The following UGT3A2 variants were observed in gnomAD, a reference collection of about 807,000 sequenced individuals.
UGT3A2 encodes the protein UDP glycosyltransferase family 3 member A2.
Under a neutral mutation model 39.8 loss-of-function variants are expected in UGT3A2, and 32 were observed. The ratio of observed to expected loss-of-function variants is 0.80; its 90% CI spans 0.61 to 1.08. UGT3A2 has a LOEUF of 1.08. Ranked by LOEUF, UGT3A2 falls within the 50% of genes least tolerant of loss-of-function variation. The probability of loss-of-function intolerance (pLI) is 0.00; values close to 1 mark genes in which losing one functional copy is unlikely to be tolerated. For synonymous variants in UGT3A2, 241 were observed against 230.7 expected, an observed-to-expected ratio of 1.04 and a Z score of -0.40; for missense variants, 611 against 637.1, an observed-to-expected ratio of 0.96 and a Z score of 0.44.
intron 1 of UGT3A2, among the ~76,000 whole-genome samples, chr5:36,065,264 T>C (rs985673185): frequency 2.0e-5 from 3 of 152,080 alleles, no homozygotes; most frequent in South Asian, 2.1e-4. Context: ...AGAGAAGTAG[T>C]GTTCAGCTCT....
intron 2 of UGT3A2, among the ~76,000 whole-genome samples, chr5:36,053,370 T>G (rs1234018820): frequency 3.9e-5 from 6 of 152,174 alleles, no homozygotes; most frequent in African/African-American, 7.2e-5. Context: ...AAGCCCAACA[T>G]CTTTTAGGCC....
intron 3 of UGT3A2, 50 bp from the exon 4 acceptor site, chr5:36,049,470 A>G: frequency 1.5e-6 from 2 of 1,343,266 alleles, no homozygotes; most frequent in South Asian, 1.5e-5. Flanking sequence ...TTAAATTTAC[A>G]GTACATAAAA....
intron 4 of UGT3A2, among the ~76,000 whole-genome samples, chr5:36,040,424 C>A (rs2111698921): frequency 6.6e-6 from 1 of 152,250 alleles, no homozygotes; most frequent in South Asian, 2.1e-4. Context: ...ATGAGGTGAG[C>A]AATCACCATT....
chr5:36,063,264 A>C (rs1021251766), intron 2 of UGT3A2, among the ~76,000 whole-genome samples: 5 of 152,298 alleles, frequency 3.3e-5, no homozygotes, highest in African/African-American at 1.2e-4. Flanking sequence ...AATTTGGAGC[A>C]TAAAGTCCTA....
chr5:36,052,359 T>C (rs1742370808), intron 2 of UGT3A2, among the ~76,000 whole-genome samples: 1 of 152,180 alleles, frequency 6.6e-6, no homozygotes, highest in Non-Finnish European at 1.5e-5. Flanking sequence ...CAAATAATTT[T>C]TAAATTCAGT....
intron 2 of UGT3A2, among the ~76,000 whole-genome samples, chr5:36,055,754 T>C (rs1257526567): frequency 6.6e-6 from 1 of 152,226 alleles, no homozygotes; most frequent in African/African-American, 2.4e-5. Context: ...TAAGTAGCAA[T>C]AATATTTTAC....
intron 2 of UGT3A2, among the ~76,000 whole-genome samples, chr5:36,059,062 C>T (rs1561497022): frequency 6.6e-6 from 1 of 151,918 alleles, no homozygotes; most frequent in African/African-American, 2.4e-5. Context: ...CTAACAGGGA[C>T]CACAGGGACA....
At chr5:36,041,077 A>G (rs990254951) in intron 4 of UGT3A2, among the ~76,000 whole-genome samples, 2 of 152,172 alleles carry the variant, frequency 1.3e-5, no homozygotes, top group Non-Finnish European at 2.9e-5. Context: ...CTGAAGGGAG[A>G]GACCTAAGCC....
At chr5:36,056,383 G>A (rs373920093) in intron 2 of UGT3A2, among the ~76,000 whole-genome samples, 4 of 152,356 alleles carry the variant, frequency 2.6e-5, no homozygotes, top group African/African-American at 7.2e-5. Flanking sequence ...TGCAGGGCAA[G>A]TGGGGCATGT....
At chr5:36,057,943 T>G (rs1217674498) in intron 2 of UGT3A2, among the ~76,000 whole-genome samples, 1 of 152,222 alleles carries the variant, frequency 6.6e-6, no homozygotes, top group Non-Finnish European at 1.5e-5. Context: ...TAAGAAATAA[T>G]TGTCTTAAAA....
At chr5:36,038,118 G>A (rs2289877) in intron 5 of UGT3A2, 102 bp from the exon 6 acceptor site, 191,427 of 1,204,774 alleles carry the variant, frequency 0.16, 16,123 homozygotes, top group East Asian at 0.24. Flanking sequence ...ATCTAGTGGT[G>A]TGTTGGAGAC....
chr5:36,058,622 C>T (rs966445914), intron 2 of UGT3A2, among the ~76,000 whole-genome samples: 1 of 152,110 alleles, frequency 6.6e-6, no homozygotes, highest in African/African-American at 2.4e-5. Context: ...GCTGACCAAT[C>T]GTTACCTCCT....
chr5:36,051,146 A>T (rs1365990184), intron 3 of UGT3A2, among the ~76,000 whole-genome samples: 1 of 152,132 alleles, frequency 6.6e-6, no homozygotes, highest in Non-Finnish European at 1.5e-5. Context: ...TTTATGGAAA[A>T]AGTCAGATTT....
intron 2 of UGT3A2, among the ~76,000 whole-genome samples, chr5:36,054,187 G>T (rs1391297812): frequency 6.6e-6 from 1 of 152,154 alleles, no homozygotes; most frequent in East Asian, 1.9e-4. Context: ...ATTTAAACTG[G>T]ATTCACCTGG....
At chr5:36,059,999 A>G (rs1742637224) in intron 2 of UGT3A2, among the ~76,000 whole-genome samples, 1 of 152,194 alleles carries the variant, frequency 6.6e-6, no homozygotes, top group Admixed American at 6.5e-5. Flanking sequence ...GTTGAATCTG[A>G]ATGTGAAGAT....
At chr5:36,064,696 A>G (rs182391684) in intron 1 of UGT3A2, among the ~76,000 whole-genome samples, 13 of 152,346 alleles carry the variant, frequency 8.5e-5, no homozygotes, top group Admixed American at 7.2e-4. Context: ...ACAGAGTCCA[A>G]AAGAAATCAC....
intron 4 of UGT3A2, 87 bp downstream of exon 4, chr5:36,048,802 C>G (rs974154237): frequency 3.9e-6 from 6 of 1,537,790 alleles, no homozygotes; most frequent in Non-Finnish European, 5.3e-6. Flanking sequence ...ACTTTAGCCT[C>G]AGGATCCTAC....
Position 36,063,024 on chromosome 5 carries a change from G to A in UGT3A2, c.196+1225C>T, listed in dbSNP as rs1742758057. Among the ~76,000 whole-genome samples, 2 of 150,392 alleles carry A rather than the reference G, an allele frequency of 1.3e-5. 1 individual carries two copies. Among genetic ancestry groups the A allele is most frequent in the South Asian group, 4.2e-4 (2 of 4,808 alleles). On this transcript the variant is annotated intron_variant, in intron 2 of 6. Coordinates refer to ENST00000282507, the MANE Select transcript of UGT3A2 (RefSeq NM_174914.4). ...CCACTGTACTCCAGCCTGGCCAACA[G>A]AGCGAGACTCTGTCTCAAAAAAAAA...
intron 5 of UGT3A2, 79 bp downstream of exon 5, chr5:36,039,398 T>A (rs1741929906): frequency 7.2e-7 from 1 of 1,392,652 alleles, no homozygotes; most frequent in Non-Finnish European, 1.0e-6. Context: ...GGTACAAATG[T>A]CCAGCTAAAG....
Sources: gnomAD v4.1 joint callset for allele counts (sites outside exome capture counted in the v4.1 genomes callset) on GRCh38, gnomAD v4.1.1 for gene constraint, MANE v1.5 for transcripts, NCBI Gene and HGNC (gene_info 2026-07-23, HGNC 2026-07-21) for gene names.